DDX6: variants seen among roughly 807,000 people sequenced by gnomAD.
DDX6 encodes probable ATP-dependent RNA helicase DDX6.
Under a neutral mutation model 60.6 loss-of-function variants are expected in DDX6, and 7 were observed. The ratio of observed to expected loss-of-function variants is 0.12; its 90% CI spans 0.07 to 0.22. The LOEUF (loss-of-function observed/expected upper bound fraction) is 0.22. DDX6 is among the 10% of genes least tolerant of loss of function. The probability of loss-of-function intolerance (pLI) is 1.00; values close to 1 mark genes in which losing one functional copy is unlikely to be tolerated. For synonymous variants in DDX6, 207 were observed against 201.0 expected, an observed-to-expected ratio of 1.03 and a Z score of -0.25; for missense variants, 270 against 589.9, an observed-to-expected ratio of 0.46 and a Z score of 5.62.
Position 118,755,308 on chromosome 11 carries a change from G to GCTACTGTACTCTATT in DDX6, c.1276+79_1276+93dup, listed in dbSNP as rs1860928517. The GCTACTGTACTCTATT allele has an allele frequency of 3.2e-5, 23 of 710,954 alleles. No homozygotes were observed. In the South Asian group the frequency reaches 3.7e-4, roughly 12 times the overall value. 44.0% of individuals were successfully genotyped at this position (710,954 alleles called of 1,614,324 possible). A position where few individuals can be genotyped will look rare whatever the true frequency, so the allele number is the denominator to read the frequency against. ...TTACTGTTAATTCACTGTTCTCATA[G>GCTACTGTACTCTATT]CTACTGTACTCTATTTCACAAAAGA... On this transcript the variant is annotated intron_variant, in intron 12 of 13. Coordinates refer to ENST00000534980, the MANE Select transcript of DDX6 (RefSeq NM_004397.6).
At chr11:118,767,562 G>A (rs1404705824) in intron 5 of DDX6, 1 of 146,542 alleles carries the variant, frequency 6.8e-6, no homozygotes, top group African/African-American at 2.5e-5. Context: ...TCTGCCACAA[G>A]AAATAGTTCC....
chr11:118,757,726 G>C (rs1555159286), intron 9 of DDX6, among the ~76,000 whole-genome samples: 1 of 152,022 alleles, frequency 6.6e-6, no homozygotes, highest in Non-Finnish European at 1.5e-5. Context: ...GAGTAGCTGG[G>C]ATTACAGGCA....
At chr11:118,755,251 T>C (rs561965697) in intron 12 of DDX6, 151 bp downstream of exon 12, 8 of 586,764 alleles carry the variant, frequency 1.4e-5, no homozygotes, top group East Asian at 2.8e-5. Context: ...ACAGAAGAAT[T>C]AGAAATTAGT....
At chr11:118,760,188 C>T in intron 7 of DDX6, 144 bp from the exon 8 acceptor site, 1 of 793,864 alleles carries the variant, frequency 1.3e-6, no homozygotes, top group Non-Finnish European at 1.9e-6. Flanking sequence ...CTCTCCAACA[C>T]TGCAGAGAGT....
intron 4 of DDX6, among the ~76,000 whole-genome samples, chr11:118,770,094 T>C (rs1555162176): frequency 6.6e-6 from 1 of 151,978 alleles, no homozygotes; most frequent in Non-Finnish European, 1.5e-5. Context: ...TGGTGCGATC[T>C]TGGCTCACTG....
intron 4 of DDX6, among the ~76,000 whole-genome samples, chr11:118,770,430 C>A (rs1861498825): frequency 1.3e-5 from 2 of 152,060 alleles, no homozygotes; most frequent in South Asian, 4.1e-4. Context: ...AACAAACAAA[C>A]AAAAAACAGC....
At chr11:118,772,682 A>T (rs1243326725) in intron 4 of DDX6, among the ~76,000 whole-genome samples, 4 of 152,176 alleles carry the variant, frequency 2.6e-5, no homozygotes, top group African/African-American at 7.2e-5. Context: ...AACCCCAAAA[A>T]ACCAACCCCA....
intron 13 of DDX6, among the ~76,000 whole-genome samples, chr11:118,753,318 C>T (rs1197278752): frequency 6.8e-6 from 1 of 147,304 alleles, no homozygotes; most frequent in Non-Finnish European, 1.5e-5. Context: ...GTGTGAGCCA[C>T]TGAGCCAGCC....
At chr11:118,771,811 T>C (rs1198918180) in intron 4 of DDX6, among the ~76,000 whole-genome samples, 4 of 152,208 alleles carry the variant, frequency 2.6e-5, no homozygotes, top group South Asian at 4.1e-4. Flanking sequence ...AGGCAAGAAG[T>C]TGGAGAAAAT....
rs1388887266 is a variant in DDX6, at chr11:118,749,774, A to G, written c.*2331T>C. 5 of 152,660 alleles carry G rather than the reference A, an allele frequency of 3.3e-5. No individual in the cohort carries two copies. Among genetic ancestry groups the G allele is most frequent in the African/African-American group, 1.2e-4 (5 of 41,462 alleles). The allele number at this position is 152,660 out of a possible 1,614,324, so 9.5% of individuals were successfully genotyped here. ...TACAAGGGCACAATTTTTTTGGTCA[A>G]AAGTTGACACCTTTTAAATTCCCTC... On this transcript the variant is annotated 3_prime_UTR_variant, in exon 14 of 14. Coordinates refer to ENST00000534980, the MANE Select transcript of DDX6 (RefSeq NM_004397.6).
chr11:118,779,043 G>C (rs1555164136), intron 4 of DDX6, among the ~76,000 whole-genome samples: 2 of 151,456 alleles, frequency 1.3e-5, no homozygotes, highest in South Asian at 4.2e-4. Context: ...TGTAGTCCCA[G>C]CTACTAGGAG....
chr11:118,766,008 T>C (rs1344506152), intron 5 of DDX6, among the ~76,000 whole-genome samples: 2 of 149,346 alleles, frequency 1.3e-5, no homozygotes, highest in East Asian at 2.0e-4. Flanking sequence ...GAGGCAGAGA[T>C]TGTGGTGAGC....
Position 118,748,925 on chromosome 11 carries a change from C to CA in DDX6, c.*3179dup, listed in dbSNP as rs1180115201. On this transcript the variant is annotated 3_prime_UTR_variant, in exon 14 of 14. Coordinates refer to ENST00000534980, the MANE Select transcript of DDX6 (RefSeq NM_004397.6). ...CATTCTGAAAACAAATACTGATAACCAAGCCCACCCTCCAACCCTTTGGGG... is the reference window on the plus strand; with the variant it reads ...CATTCTGAAAACAAATACTGATAACCAAAGCCCACCCTCCAACCCTTTGGGG... The CA allele has an allele frequency of 6.6e-6, 1 of 152,140 alleles. No homozygotes were observed. Among genetic ancestry groups the CA allele is most frequent in the Non-Finnish European group, 1.5e-5 (1 of 68,036 alleles). The allele number at this position is 152,140 out of a possible 1,614,324, so 9.4% of individuals were successfully genotyped here.
At chr11:118,783,168 G>T (rs1395979480) in intron 2 of DDX6, among the ~76,000 whole-genome samples, 1 of 152,214 alleles carries the variant, frequency 6.6e-6, no homozygotes, top group East Asian at 1.9e-4. Flanking sequence ...TCATGGAAGA[G>T]AGGGCAGAGA....
At chr11:118,773,255 A>T (rs1299785015) in intron 4 of DDX6, among the ~76,000 whole-genome samples, 1 of 152,116 alleles carries the variant, frequency 6.6e-6, no homozygotes, top group Non-Finnish European at 1.5e-5. Flanking sequence ...CCAAACCTTA[A>T]TTTCCAAGAG....
At chr11:118,760,088 G>A in intron 7 of DDX6, 44 bp from the exon 8 acceptor site, 1 of 1,578,672 alleles carries the variant, frequency 6.3e-7, no homozygotes. Flanking sequence ...ATAAAATAAT[G>A]TCTAAGGTCT....
intron 12 of DDX6, among the ~76,000 whole-genome samples, 160 bp from the exon 13 acceptor site, chr11:118,755,047 C>T (rs890168309): frequency 7.9e-5 from 12 of 152,154 alleles, no homozygotes; most frequent in Admixed American, 4.6e-4. Context: ...ACACAGGTTT[C>T]CCTACAACTT....
intron 5 of DDX6, 117 bp downstream of exon 5, chr11:118,768,106 A>G (rs1861416272): frequency 9.8e-7 from 1 of 1,022,156 alleles, no homozygotes; most frequent in South Asian, 2.2e-5. Flanking sequence ...ACCTGAAAAG[A>G]AAGAATACAA....
In DDX6 at chr11:118,756,029, CA is replaced by C. The variant is rs1209323032; in HGVS notation, c.1174+230del. 6.8e-3 allele frequency among the ~76,000 whole-genome samples: 641 copies of C among 94,906 alleles called. 10 individuals carry two copies. The highest frequency in any genetic ancestry group is 0.024 in the African/African-American group (599 of 25,000). The allele number at this position is 94,906 out of a possible 152,430, so 62.3% of individuals were successfully genotyped here. On this transcript the variant is annotated intron_variant, in intron 11 of 13. Coordinates refer to ENST00000534980, the MANE Select transcript of DDX6 (RefSeq NM_004397.6). ...ATTCCATCCCCCTCCCCCCCCCCCC[CA>C]AAAAAAAGACAGAGATGAGGTATGA... is the stretch of plus-strand genomic sequence containing the variant.
Sources: gnomAD v4.1 joint callset for allele counts (sites outside exome capture counted in the v4.1 genomes callset) on GRCh38, gnomAD v4.1.1 for gene constraint, MANE v1.5 for transcripts, NCBI Gene and HGNC (gene_info 2026-07-23, HGNC 2026-07-21) for gene names.